RAP1GDS1: variants seen among roughly 807,000 people sequenced by gnomAD.
RAP1GDS1 encodes RAP1, GTP-GDP dissociation stimulator 1.
Under a neutral mutation model 71.1 loss-of-function variants are expected in RAP1GDS1, and 35 were observed. The ratio of observed to expected loss-of-function variants is 0.49; its 90% CI spans 0.38 to 0.65. The LOEUF is 0.65. RAP1GDS1 is among the 30% of genes least tolerant of loss of function. The pLI, the probability that RAP1GDS1 is intolerant of heterozygous loss-of-function variation, is 0.00. For missense variants in RAP1GDS1, 663 were observed against 706.1 expected (o/e 0.94, Z 0.69); for synonymous variants, 229 against 243.1 (o/e 0.94, Z 0.54).
intron 9 of RAP1GDS1, 70 bp downstream of exon 9, chr4:98,417,568 T>C (rs1748207039): frequency 4.7e-6 from 7 of 1,484,364 alleles, no homozygotes; most frequent in Non-Finnish European, 6.5e-6. Flanking sequence ...TGCTACCACA[T>C]ATACTAAAAC....
At chr4:98,346,254 C>T (rs776519179) in intron 3 of RAP1GDS1, among the ~76,000 whole-genome samples, 1 of 152,078 alleles carries the variant, frequency 6.6e-6, no homozygotes, top group Non-Finnish European at 1.5e-5. Context: ...TCAAAACTTC[C>T]GCCTGAGTGC....
At chr4:98,434,187 T>G in intron 13 of RAP1GDS1, 125 bp downstream of exon 13, 1 of 1,130,628 alleles carries the variant, frequency 8.8e-7, no homozygotes, top group Non-Finnish European at 1.2e-6. Context: ...TGTACCGTTC[T>G]CTGAATCTAT....
chr4:98,264,439 C>T (rs949245407), intron 1 of RAP1GDS1, among the ~76,000 whole-genome samples: 2 of 152,124 alleles, frequency 1.3e-5, no homozygotes, highest in Admixed American at 6.5e-5. Context: ...TAATTTCCTA[C>T]ACAAGAGAGT....
chr4:98,421,290 T>G lies in RAP1GDS1; in HGVS notation c.1336T>G (p.Leu446Val), dbSNP rs373261783. Residue 446 changes from leucine to valine, a missense_variant, in exon 12 of 15, where the codon TTA (leucine) becomes GTA (valine). Physicochemically the swap from Leu to Val is conservative, Grantham distance 32. Transcript: ENST00000408927. ...AAEQLGKNVKLVERLVEWCEA... is the reference protein window; with the variant it reads ...AAEQLGKNVKVVERLVEWCEA... ...TGAACAATTGGGAAAGAATGTTAAG[T>G]TAGTGGAGCGTTTGGTGGAATGGTG... 1.2e-6 allele frequency: 2 copies of G among 1,611,120 alleles called. No homozygotes were observed.
intron 5 of RAP1GDS1, 105 bp downstream of exon 5, chr4:98,379,268 G>A (rs181389805): frequency 4.3e-5 from 48 of 1,111,200 alleles, no homozygotes; most frequent in Admixed American, 9.0e-5. Flanking sequence ...CAAAGAATTC[G>A]TAAGTGGCAT....
chr4:98,319,778 CA>C (rs35696332), intron 2 of RAP1GDS1, among the ~76,000 whole-genome samples: 27,370 of 79,180 alleles, frequency 0.35, 2,656 homozygotes, highest in African/African-American at 0.45. Flanking sequence ...GAGAATGTCT[CA>C]AAAAAAAAAA....
At chr4:98,381,793 ATTG>A (rs1742058740) in intron 5 of RAP1GDS1, among the ~76,000 whole-genome samples, 1 of 151,542 alleles carries the variant, frequency 6.6e-6, no homozygotes, top group East Asian at 1.9e-4. Flanking sequence ...TTAGGAAGTT[ATTG>A]TTCTTTAGCT....
chr4:98,353,038 CA>C (rs1391283204), intron 4 of RAP1GDS1, among the ~76,000 whole-genome samples: 1 of 152,160 alleles, frequency 6.6e-6, no homozygotes, highest in Non-Finnish European at 1.5e-5. Context: ...ATTCTCTTCT[CA>C]AAAGCTAGAT....
intron 1 of RAP1GDS1, among the ~76,000 whole-genome samples, chr4:98,280,103 T>C (rs555115121): frequency 6.6e-6 from 1 of 152,358 alleles, no homozygotes; most frequent in East Asian, 1.9e-4. Flanking sequence ...GCATAATTTA[T>C]AGTCCTTTGG....
chr4:98,293,868 T>C (rs1228626041), intron 2 of RAP1GDS1, among the ~76,000 whole-genome samples: 1 of 151,968 alleles, frequency 6.6e-6, no homozygotes, highest in Non-Finnish European at 1.5e-5. Flanking sequence ...GTTTTATATG[T>C]GGGGAGAGTG....
intron 5 of RAP1GDS1, 132 bp downstream of exon 5, chr4:98,379,295 G>T: frequency 1.1e-6 from 1 of 942,194 alleles, no homozygotes; most frequent in Non-Finnish European, 1.5e-6. Flanking sequence ...TTAATAATTA[G>T]CCAACATTAA....
rs779815305 is a variant in RAP1GDS1 at position 98,308,297 on chromosome 4, CTATA to C, written c.112+14814_112+14817del. Among the ~76,000 whole-genome samples, 130 of 73,196 alleles carry C rather than the reference CTATA, an allele frequency of 1.8e-3. 1 individual carries two copies. The highest frequency in any genetic ancestry group is 0.015 in the East Asian group (26 of 1,712). 48.0% of individuals were successfully genotyped at this position (73,196 alleles called of 152,430 possible). A position where few individuals can be genotyped will look rare whatever the true frequency, so the allele number is the denominator to read the frequency against. Reference sequence around the variant, plus strand: ...ACACACATATATATACACACACACACTATATATATATATATATATATATATATAT... The same window carrying C: ...ACACACATATATATACACACACACACTATATATATATATATATATATATAT... On this transcript the variant is annotated intron_variant, in intron 2 of 14. Transcript: ENST00000408927.
chr4:98,306,646 T>C (rs1729370600), intron 2 of RAP1GDS1, among the ~76,000 whole-genome samples: 1 of 152,216 alleles, frequency 6.6e-6, no homozygotes, highest in Non-Finnish European at 1.5e-5. Flanking sequence ...AAGAATTATG[T>C]ATTCTCAACA....
At chr4:98,393,928 G>A (rs1039308239) in intron 6 of RAP1GDS1, among the ~76,000 whole-genome samples, 1 of 151,914 alleles carries the variant, frequency 6.6e-6, no homozygotes, top group African/African-American at 2.4e-5. Flanking sequence ...TTATATATAT[G>A]GTTCCATTTT....
chr4:98,439,237 C>T (rs28503871), intron 14 of RAP1GDS1, among the ~76,000 whole-genome samples: 2 of 152,044 alleles, frequency 1.3e-5, no homozygotes, highest in African/African-American at 4.8e-5. Context: ...TACTTGAAAA[C>T]TATTGTGCCA....
At chr4:98,261,755 T>G in intron 1 of RAP1GDS1, 186 bp downstream of exon 1, 23 of 698,292 alleles carry the variant, frequency 3.3e-5, no homozygotes, top group East Asian at 8.1e-5. Context: ...GCTGGGAGGG[T>G]CCCGAGCGCG....
chr4:98,275,906 C>T (rs542350250), intron 1 of RAP1GDS1, among the ~76,000 whole-genome samples: 12 of 152,326 alleles, frequency 7.9e-5, no homozygotes, highest in Non-Finnish European at 1.8e-4. Flanking sequence ...TGAGACTACA[C>T]TACCCTTTTA....
At chr4:98,363,319 C>G (rs1739017762) in intron 4 of RAP1GDS1, among the ~76,000 whole-genome samples, 1 of 151,374 alleles carries the variant, frequency 6.6e-6, no homozygotes, top group African/African-American at 2.4e-5. Context: ...AAGACTCTGT[C>G]TCTACAAAAT....
intron 2 of RAP1GDS1, among the ~76,000 whole-genome samples, chr4:98,299,202 C>A (rs1289294298): frequency 6.6e-6 from 1 of 152,178 alleles, no homozygotes; most frequent in Non-Finnish European, 1.5e-5. Context: ...ATGATGGTTT[C>A]TAGCTTCTTC....
Sources: gnomAD v4.1 joint callset for allele counts (sites outside exome capture counted in the v4.1 genomes callset) on GRCh38, gnomAD v4.1.1 for gene constraint, MANE v1.5 for transcripts, NCBI Gene and HGNC (gene_info 2026-07-23, HGNC 2026-07-21) for gene names.